The following BZW2 variants were observed in gnomAD, a reference collection of about 807,000 sequenced individuals.
The protein encoded by BZW2 is basic leucine zipper and W2 domains 2.
A neutral mutation model predicts 53.2 loss-of-function variants in BZW2; 23 were observed. The ratio of observed to expected loss-of-function variants is 0.43; its 90% confidence interval spans 0.31 to 0.61. The LOEUF (loss-of-function observed/expected upper bound fraction) is 0.61. Ranked by LOEUF, BZW2 falls within the 20% of genes least tolerant of loss-of-function variation. The pLI is 0.09. For synonymous variants in BZW2, 227 were observed against 186.4 expected (o/e 1.22, Z -1.77); for missense variants, 409 against 503.1 (o/e 0.81, Z 1.79).
chr7:16,680,768 C>A (rs903468390), intron 3 of BZW2, among the ~76,000 whole-genome samples: 1 of 151,880 alleles, frequency 6.6e-6, no homozygotes, highest in Non-Finnish European at 1.5e-5. Flanking sequence ...ATAATTGCAC[C>A]ACTGCACTCC....
intron 2 of BZW2, among the ~76,000 whole-genome samples, chr7:16,668,768 C>T (rs1391958673): frequency 6.6e-6 from 1 of 152,164 alleles, no homozygotes; most frequent in Non-Finnish European, 1.5e-5. Flanking sequence ...ATTGCATTGT[C>T]GTTACTGCTT....
At chr7:16,677,219 T>C (rs59696533) in intron 3 of BZW2, among the ~76,000 whole-genome samples, 5,432 of 152,250 alleles carry the variant, frequency 0.036, 322 homozygotes, top group African/African-American at 0.12. Flanking sequence ...TGATTGGCTA[T>C]TTCTTTGCCT....
intron 1 of BZW2, among the ~76,000 whole-genome samples, chr7:16,650,898 G>A (rs1781969594): frequency 6.6e-6 from 1 of 152,120 alleles, no homozygotes; most frequent in Non-Finnish European, 1.5e-5. Flanking sequence ...TATCTATTTT[G>A]AAAATAAAGA....
chr7:16,668,006 A>G (rs1782482597), intron 2 of BZW2, among the ~76,000 whole-genome samples: 1 of 152,256 alleles, frequency 6.6e-6, no homozygotes, highest in Non-Finnish European at 1.5e-5. Context: ...AGGATTTATC[A>G]GTAATGACCA....
intron 10 of BZW2, among the ~76,000 whole-genome samples, chr7:16,703,434 T>C (rs1783735701): frequency 6.6e-6 from 1 of 152,224 alleles, no homozygotes; most frequent in African/African-American, 2.4e-5. Flanking sequence ...ATGTTTTTGT[T>C]ATGAAACTAC....
rs566407045 is a variant in BZW2, at chr7:16,673,721, A to G, written c.59-691A>G. Among the ~76,000 whole-genome samples, 4 of 152,232 alleles carry G rather than the reference A, an allele frequency of 2.6e-5. No individual in the cohort carries two copies. In the East Asian group the frequency reaches 7.7e-4, roughly 29 times the overall value. On this transcript the variant is annotated intron_variant, in intron 2 of 11. Transcript: ENST00000258761. Reference sequence around the variant, plus strand: ...TTTAGAATCCTAATCCTTTGTAATTAGGATTCCAGAGTCTTTTTCCAAAGG... The same window carrying G: ...TTTAGAATCCTAATCCTTTGTAATTGGGATTCCAGAGTCTTTTTCCAAAGG...
At chr7:16,651,442 A>G (rs565826461) in intron 1 of BZW2, among the ~76,000 whole-genome samples, 2 of 152,378 alleles carry the variant, frequency 1.3e-5, no homozygotes, top group South Asian at 4.1e-4. Context: ...ATGGTTTTCA[A>G]ACTAACCTGG....
In BZW2 at chr7:16,674,481, A is replaced by C; in HGVS notation, c.128A>C (p.Asp43Ala). 1 of 1,613,698 alleles carries C rather than the reference A, an allele frequency of 6.2e-7. No individual in the cohort carries two copies. The highest frequency in any genetic ancestry group is 8.5e-7 in the Non-Finnish European group (1 of 1,179,702). ...TLVQGLNEAG[D>A]DLEAVAKFLD... The stretch of plus-strand genomic sequence containing the variant: ...GTCCAGGGGCTTAATGAGGCTGGTG[A>C]TGACCTTGAAGCTGTAGCCAAATTT... Residue 43 changes from aspartate (D) to alanine (A), a missense_variant, in exon 3 of 12, where the codon GAT (aspartate) becomes GCT (alanine). By Grantham distance (126) the Asp-to-Ala change is moderately radical (BLOSUM62 -2). Coordinates refer to ENST00000258761, the MANE Select transcript of BZW2 (RefSeq NM_014038.3).
At chr7:16,687,659 T>A (rs1382349073) in intron 6 of BZW2, 1 of 152,104 alleles carries the variant, frequency 6.6e-6, no homozygotes, top group African/African-American at 2.4e-5. Flanking sequence ...AGTTTGGGGC[T>A]ACAGTGAGCT....
At chr7:16,682,874 T>A in intron 5 of BZW2, 29 bp downstream of exon 5, 1 of 1,470,098 alleles carries the variant, frequency 6.8e-7, no homozygotes, top group South Asian at 1.2e-5. Flanking sequence ...TGCCTATCTG[T>A]TTTATAGTAA....
chr7:16,697,973 C>A, intron 9 of BZW2, 75 bp from the exon 10 acceptor site: 1 of 1,554,578 alleles, frequency 6.4e-7, no homozygotes, highest in Non-Finnish European at 8.8e-7. Flanking sequence ...CTCCAGGTTA[C>A]TGTTATAGTT....
intron 3 of BZW2, among the ~76,000 whole-genome samples, chr7:16,677,695 T>C (rs1782809407): frequency 6.6e-6 from 1 of 152,178 alleles, no homozygotes; most frequent in Non-Finnish European, 1.5e-5. Context: ...GATTGAAATG[T>C]ATGGCCTGCA....
At chr7:16,680,754 A>C (rs893293492) in intron 3 of BZW2, among the ~76,000 whole-genome samples, 5 of 152,088 alleles carry the variant, frequency 3.3e-5, no homozygotes, top group Admixed American at 6.5e-5. Flanking sequence ...GACTGCAGTG[A>C]GCCATAATTG....
At chr7:16,686,163 T>C in intron 6 of BZW2, 123 bp downstream of exon 6, 4 of 1,399,100 alleles carry the variant, frequency 2.9e-6, no homozygotes, top group Non-Finnish European at 3.9e-6. Flanking sequence ...TTTAAGAGAA[T>C]ATCTTTGTAT....
chr7:16,696,037 G>C (rs1783474711), intron 8 of BZW2: 1 of 152,102 alleles, frequency 6.6e-6, no homozygotes, highest in East Asian at 1.9e-4. Flanking sequence ...GGACTGCCCG[G>C]CTCCTTCTGC....
intron 6 of BZW2, among the ~76,000 whole-genome samples, chr7:16,688,230 T>G (rs1393740534): frequency 6.6e-6 from 1 of 152,224 alleles, no homozygotes; most frequent in Non-Finnish European, 1.5e-5. Flanking sequence ...TGAACAGCAG[T>G]ATCATTCAGG....
chr7:16,668,781 C>T (rs1385582956), intron 2 of BZW2, among the ~76,000 whole-genome samples: 1 of 152,180 alleles, frequency 6.6e-6, no homozygotes, highest in Non-Finnish European at 1.5e-5. Context: ...TACTGCTTAG[C>T]ATTAAAATAC....
In BZW2 at chr7:16,685,983, G is replaced by A. The variant is rs148948416; in HGVS notation, c.484G>A (p.Gly162Ser). 1.9e-6 allele frequency: 3 copies of A among 1,598,526 alleles called. No individual in the cohort carries two copies. The African/African-American group carries it at 4.1e-5, about 22-fold the overall frequency. ...AMLSGILLGN[G>S]TLPATILTSL... ...GCTGTCGGGGATTCTGCTGGGCAAT[G>A]GCACCCTGCCCGCCACCATCCTCAC... Residue 162 changes from glycine to serine, a missense_variant, in exon 6 of 12, where the codon GGC becomes AGC. Gly to Ser is a moderately conservative substitution (Grantham distance 56). Transcript: ENST00000258761.
At position 16,681,351 on chromosome 7, in the gene BZW2, C is replaced by A. The variant is rs760950174; in HGVS notation, c.286C>A (p.His96Asn). 4.3e-6 allele frequency: 7 copies of A among 1,613,918 alleles called. No individual in the cohort carries two copies. The highest frequency in any genetic ancestry group is 5.9e-6 in the Non-Finnish European group (7 of 1,179,992). Residue 96 changes from histidine to asparagine, a missense_variant, in exon 4 of 12, where the codon CAC becomes AAC. Physicochemically the swap from His to Asn is moderately conservative, Grantham distance 68. Transcript: ENST00000258761. ...TGGTGACAAGACCAAGATGACCAAC[C>A]ACTGTGTGTTTTCAGCAAATGAAGA... ...DDGDKTKMTNHCVFSANEDHE... is the reference protein window; with the variant it reads ...DDGDKTKMTNNCVFSANEDHE...
Sources: allele counts gnomAD v4.1 joint callset (sites outside exome capture counted in the v4.1 genomes callset), GRCh38; gene constraint gnomAD v4.1.1; transcripts MANE v1.5; gene names NCBI Gene and HGNC (gene_info 2026-07-23, HGNC 2026-07-21).